The following TNR variants were observed in gnomAD, a reference collection of about 807,000 sequenced individuals.
The protein encoded by TNR is tenascin R.
Under a neutral mutation model 150.4 loss-of-function variants are expected in TNR, and 45 were observed. That is an observed-to-expected ratio of 0.30 (90% CI 0.24 to 0.38). TNR has a LOEUF of 0.38. TNR is among the 10% of genes least tolerant of loss of function. The pLI is 1.00. For missense variants in TNR, 1,544 were observed against 1,759.1 expected, an observed-to-expected ratio of 0.88 and a Z score of 2.19; for synonymous variants, 687 against 678.4, an observed-to-expected ratio of 1.01 and a Z score of -0.20.
At chr1:175,705,823 T>A (rs1217224688) in intron 1 of TNR, among the ~76,000 whole-genome samples, 1 of 152,200 alleles carries the variant, frequency 6.6e-6, no homozygotes, top group Admixed American at 6.5e-5. Context: ...TTTATAAATC[T>A]AGGTTTCTTC....
At chr1:175,492,911 T>A (rs1393600095) in intron 2 of TNR, among the ~76,000 whole-genome samples, 1 of 152,192 alleles carries the variant, frequency 6.6e-6, no homozygotes, top group East Asian at 1.9e-4. Flanking sequence ...GCACATTTAA[T>A]CCTGATAGAC....
At chr1:175,338,324 G>T (rs184652253) in intron 18 of TNR, among the ~76,000 whole-genome samples, 1 of 152,334 alleles carries the variant, frequency 6.6e-6, no homozygotes, top group Non-Finnish European at 1.5e-5. Context: ...GAAGTAAATT[G>T]CAGCTCATCT....
intron 2 of TNR, among the ~76,000 whole-genome samples, chr1:175,466,179 A>T (rs1421286968): frequency 2.6e-5 from 4 of 152,182 alleles, no homozygotes; most frequent in African/African-American, 9.7e-5. Flanking sequence ...TATGAGCCTC[A>T]TTTTATACAT....
intron 1 of TNR, among the ~76,000 whole-genome samples, chr1:175,675,644 A>G (rs1262957320): frequency 6.6e-6 from 1 of 152,216 alleles, no homozygotes; most frequent in African/African-American, 2.4e-5. Context: ...TCATAGGTAC[A>G]TGACCTGAAC....
chr1:175,681,937 G>A (rs542296173), intron 1 of TNR, among the ~76,000 whole-genome samples: 2 of 152,210 alleles, frequency 1.3e-5, no homozygotes, highest in Non-Finnish European at 2.9e-5. Flanking sequence ...TCTGCCCCCC[G>A]ACCCCCAAGA....
intron 15 of TNR, among the ~76,000 whole-genome samples, chr1:175,357,522 C>T (rs1015676998): frequency 5.4e-5 from 8 of 149,524 alleles, no homozygotes; most frequent in Non-Finnish European, 4.4e-5. Context: ...TCCCCCTTTG[C>T]ACATCATGCC....
chr1:175,403,581 C>A lies in TNR; in HGVS notation c.535G>T (p.Gly179Cys), dbSNP rs1252451328. 6.2e-7 allele frequency: 1 copy of A among 1,613,948 alleles called. No individual in the cohort carries two copies. Among genetic ancestry groups the A allele is most frequent in the Non-Finnish European group, 8.5e-7 (1 of 1,179,962 alleles). Residue 179 changes from glycine (G) to cysteine (C), a missense_variant, in exon 4 of 23, where the codon GGC becomes TGC. By Grantham distance (159) the Gly-to-Cys change is radical. Coordinates refer to ENST00000367674, the MANE Select transcript of TNR (RefSeq NM_003285.3). The stretch of plus-strand genomic sequence containing the variant: ...CCACAGGACTCAAAGCTAAAGTTGC[C>A]GTGGCCACTGCAGTGAGGGATATAG... ...LDYIPHCSGHGNFSFESCGCI... is the reference protein window; with the variant it reads ...LDYIPHCSGHCNFSFESCGCI...
chr1:175,555,875 G>A (rs79514006), intron 1 of TNR, among the ~76,000 whole-genome samples: 1 of 152,158 alleles, frequency 6.6e-6, no homozygotes, highest in Non-Finnish European at 1.5e-5. Context: ...TGAGTTGTGT[G>A]GCTATAAGAT....
chr1:175,459,226 A>G (rs773621355), intron 2 of TNR, among the ~76,000 whole-genome samples: 4 of 152,036 alleles, frequency 2.6e-5, no homozygotes, highest in Non-Finnish European at 5.9e-5. Flanking sequence ...CCTCAATGCC[A>G]TTATCACAAC....
At chr1:175,720,268 C>G (rs2101943534) in intron 1 of TNR, among the ~76,000 whole-genome samples, 1 of 152,342 alleles carries the variant, frequency 6.6e-6, no homozygotes, top group Non-Finnish European at 1.5e-5. Context: ...CTCTCTCTCT[C>G]TCTCTTTCTG....
intron 1 of TNR, among the ~76,000 whole-genome samples, chr1:175,647,832 C>G (rs6696078): frequency 0.052 from 7,923 of 152,198 alleles, 506 homozygotes; most frequent in African/African-American, 0.15. Flanking sequence ...TCAGTTTCTT[C>G]TTTCAATTAA....
chr1:175,581,048 A>G (rs1395338224), intron 1 of TNR, among the ~76,000 whole-genome samples: 1 of 152,224 alleles, frequency 6.6e-6, no homozygotes, highest in Non-Finnish European at 1.5e-5. Flanking sequence ...CAGTCTAGCC[A>G]TCAGGACTGA....
In TNR at chr1:175,396,802, G is replaced by C. The variant is rs753022149; in HGVS notation, c.982C>G (p.Pro328Ala). The C allele has an allele frequency of 9.3e-6, 15 of 1,612,108 alleles. 1 individual carries two copies. In the Admixed American group the frequency reaches 2.5e-4, roughly 27 times the overall value. Reference sequence around the variant, plus strand: ...CCAGCCACTCGCAAGTCCTCTGGAGGGGCAACTACCGGGAGGCAATACACA... The same window carrying C: ...CCAGCCACTCGCAAGTCCTCTGGAGCGGCAACTACCGGGAGGCAATACACA... ...YQGPDCSAVAPPEDLRVAGIS... is the reference protein window; with the variant it reads ...YQGPDCSAVAAPEDLRVAGIS... The change falls in exon 5 of 23, where the codon CCT becomes GCT. Residue 328 changes from proline (P) to alanine (A), a missense_variant. Coordinates refer to ENST00000367674, the MANE Select transcript of TNR (RefSeq NM_003285.3).
intron 2 of TNR, among the ~76,000 whole-genome samples, chr1:175,487,350 C>T (rs943207506): frequency 2.0e-5 from 3 of 152,026 alleles, no homozygotes; most frequent in African/African-American, 4.8e-5. Flanking sequence ...CTGTGCAGCC[C>T]GGTTTCTAAA....
At chr1:175,480,132 T>C (rs1657717752) in intron 2 of TNR, among the ~76,000 whole-genome samples, 1 of 152,070 alleles carries the variant, frequency 6.6e-6, no homozygotes, top group African/African-American at 2.4e-5. Flanking sequence ...TCCTCCTACA[T>C]GTCTCTGGAC....
At chr1:175,564,952 C>T (rs1052532462) in intron 1 of TNR, among the ~76,000 whole-genome samples, 2 of 152,218 alleles carry the variant, frequency 1.3e-5, no homozygotes, top group Non-Finnish European at 2.9e-5. Context: ...AATCTATCTC[C>T]TCTTTATCTC....
intron 1 of TNR, among the ~76,000 whole-genome samples, chr1:175,683,436 T>G (rs1156420497): frequency 6.6e-6 from 1 of 152,196 alleles, no homozygotes; most frequent in African/African-American, 2.4e-5. Context: ...ACAATTTTTC[T>G]CAAGGAGTGA....
At position 175,706,501 on chromosome 1, in the gene TNR, C is replaced by T. The variant is rs533449894; in HGVS notation, c.-165+36725G>A. 6.5e-4 allele frequency among the ~76,000 whole-genome samples: 99 copies of T among 152,262 alleles called. 1 individual carries two copies. The highest frequency in any genetic ancestry group is 1.8e-3 in the Admixed American group (27 of 15,296). On this transcript the variant is annotated intron_variant, in intron 1 of 22. Transcript: ENST00000367674. Reference sequence around the variant, plus strand: ...TGGTAAGGACCAAGGTCTCATCTGGCCACGTCCACCCACTGGTCTCCTTGC... The same window carrying T: ...TGGTAAGGACCAAGGTCTCATCTGGTCACGTCCACCCACTGGTCTCCTTGC...
At chr1:175,458,248 T>C (rs1656653497) in intron 2 of TNR, among the ~76,000 whole-genome samples, 2 of 152,236 alleles carry the variant, frequency 1.3e-5, no homozygotes, top group African/African-American at 4.8e-5. Context: ...AAATTAATGT[T>C]ATGATTACTG....
Sources: gnomAD v4.1 joint callset for allele counts (sites outside exome capture counted in the v4.1 genomes callset) on GRCh38, gnomAD v4.1.1 for gene constraint, MANE v1.5 for transcripts, NCBI Gene and HGNC (gene_info 2026-07-23, HGNC 2026-07-21) for gene names.